The following MSMO1 variants were observed in gnomAD, a reference collection of about 807,000 sequenced individuals.
MSMO1 encodes the protein C-4 methylsterol oxidase.
Under a neutral mutation model 30.4 loss-of-function variants are expected in MSMO1, and 18 were observed. The ratio of observed to expected loss-of-function variants is 0.59; its 90% CI spans 0.41 to 0.88. MSMO1 has a LOEUF of 0.88. MSMO1 is among the 40% of genes least tolerant of loss of function. The pLI is 0.00. For synonymous variants in MSMO1, 84 were observed against 107.9 expected, an observed-to-expected ratio of 0.78 and a Z score of 1.37; for missense variants, 284 against 340.5, an observed-to-expected ratio of 0.83 and a Z score of 1.31.
rs1747678528 is a variant in MSMO1 at position 165,340,206 on chromosome 4, A to G, written c.532-15A>G. On this transcript the variant is annotated splice_polypyrimidine_tract_variant and intron_variant, in intron 4 of 5. Transcript: ENST00000261507. ...ATAGCTAAGAAATTAAGAATTTCTT[A>G]TCTGTTTGTCTTAGGCTCCATTTGG... 2 of 1,612,584 alleles carry G rather than the reference A, an allele frequency of 1.2e-6. No individual in the cohort carries two copies. The highest frequency in any genetic ancestry group is 2.2e-5 in the South Asian group (2 of 91,008).
intron 3 of MSMO1, 47 bp downstream of exon 3, chr4:165,337,984 A>T: frequency 6.4e-7 from 1 of 1,553,886 alleles, no homozygotes; most frequent in Non-Finnish European, 8.9e-7. Flanking sequence ...TGGCTTATTC[A>T]GTTAAGTTAT....
chr4:165,338,705 A>G lies in MSMO1; in HGVS notation c.458A>G (p.His153Arg), dbSNP rs1268665050. 6.9e-6 allele frequency: 11 copies of G among 1,605,674 alleles called. No individual in the cohort carries two copies. The highest frequency in any genetic ancestry group is 9.4e-6 in the Non-Finnish European group (11 of 1,172,600). The change falls in exon 4 of 6, where the codon CAC (histidine) becomes CGC (arginine). Residue 153 changes from histidine to arginine, a missense_variant. Transcript: ENST00000261507. ...TGTGCAGTCATTGAAGATACTTGGC[A>G]CTATTTTCTGCATAGACTCTTACAC... ...FGCAVIEDTWHYFLHRLLHHK... is the reference protein window; with the variant it reads ...FGCAVIEDTWRYFLHRLLHHK...
At chr4:165,334,175 T>C (rs576394093) in intron 2 of MSMO1, among the ~76,000 whole-genome samples, 1 of 152,352 alleles carries the variant, frequency 6.6e-6, no homozygotes, top group South Asian at 2.1e-4. Context: ...GTCTTTGCAA[T>C]TCCGTGTGTA....
rs1310507865 is a variant in MSMO1, at chr4:165,337,012, T to TCA, written c.256-777_256-776insCA. Among the ~76,000 whole-genome samples, 76 of 152,326 alleles carry TCA rather than the reference T, an allele frequency of 5.0e-4. 1 individual carries two copies. The highest frequency in any genetic ancestry group is 1.8e-3 in the African/African-American group (74 of 41,570). ...CGTGGTTCAATTAAAAGAGTTTTGT[T>TCA]GGCGGATACCTGAATTTTTCAGCAG... is the stretch of plus-strand genomic sequence containing the variant. On this transcript the variant is annotated intron_variant, in intron 2 of 5. Transcript: ENST00000261507.
intron 4 of MSMO1, 135 bp downstream of exon 4, chr4:165,338,913 C>A: frequency 1.5e-6 from 1 of 645,452 alleles, no homozygotes; most frequent in Admixed American, 3.1e-5. Context: ...ACAATACACA[C>A]ACATACAAAC....
chr4:165,341,632 G>A lies in MSMO1; in HGVS notation c.687-119G>A. 4.9e-6 allele frequency: 4 copies of A among 823,432 alleles called. No homozygotes were observed. The East Asian group carries it at 1.1e-4, about 22-fold the overall frequency. The allele number at this position is 823,432 out of a possible 1,614,324, so 51.0% of individuals were successfully genotyped here. On this transcript the variant is annotated intron_variant, in intron 5 of 5. Coordinates refer to ENST00000261507, the MANE Select transcript of MSMO1 (RefSeq NM_006745.5). ...GTTTGTGAACACTTAGAAATAAAGT[G>A]GTCTAGGCAAAGTGGCATGTTATCT...
At chr4:165,329,764 A>G (rs1434174059) in intron 1 of MSMO1, among the ~76,000 whole-genome samples, 1 of 150,562 alleles carries the variant, frequency 6.6e-6, no homozygotes, top group Non-Finnish European at 1.5e-5. Flanking sequence ...CCTCCCCAGT[A>G]GGTGGAATTA....
Position 165,333,536 on chromosome 4 carries a change from A to G in MSMO1, c.166A>G (p.Ile56Val). ...CCAGATTGCAACATGGGGATCCCTT[A>G]TAGTTCATGAAGCCCTTTATTTCTT... The part of the protein sequence containing the change: ...KFQIATWGSL[I>V]VHEALYFLFC... Residue 56 changes from isoleucine to valine, a missense_variant, in exon 2 of 6, where the codon ATA becomes GTA. Physicochemically the swap from Ile to Val is conservative, Grantham distance 29 (BLOSUM62 3). Transcript: ENST00000261507. 5 of 1,613,174 alleles carry G rather than the reference A, an allele frequency of 3.1e-6. No homozygotes were observed.
At chr4:165,338,043 C>T in intron 3 of MSMO1, 106 bp downstream of exon 3, 1 of 1,065,094 alleles carries the variant, frequency 9.4e-7, no homozygotes, top group Non-Finnish European at 1.4e-6. Context: ...TTGTTCTAAA[C>T]TTTGGAAGTA....
chr4:165,337,394 G>A (rs1000145612), intron 2 of MSMO1, among the ~76,000 whole-genome samples: 8 of 152,202 alleles, frequency 5.3e-5, no homozygotes, highest in Non-Finnish European at 1.2e-4. Flanking sequence ...TCGACTTACT[G>A]TGTAAAAGGC....
At position 165,337,885 on chromosome 4, in the gene MSMO1, T is replaced by C. The variant is rs755943539; in HGVS notation, c.352T>C (p.Tyr118His). ...GCTGCCTTTGATTTGTGGAACCTAT[T>C]ATTTTACAGAGTATTTCAATATTCC... is the stretch of plus-strand genomic sequence containing the variant. ...IQLPLICGTY[Y>H]FTEYFNIPYD... Residue 118 changes from tyrosine (Y) to histidine (H), a missense_variant, in exon 3 of 6, where the codon TAT becomes CAT. Coordinates refer to ENST00000261507, the MANE Select transcript of MSMO1 (RefSeq NM_006745.5). 15 of 1,613,306 alleles carry C rather than the reference T, an allele frequency of 9.3e-6. No individual in the cohort carries two copies. The highest frequency in any genetic ancestry group is 1.2e-5 in the Non-Finnish European group (14 of 1,179,442).
At chr4:165,337,672 T>C (rs1322394312) in intron 2 of MSMO1, 117 bp from the exon 3 acceptor site, 1 of 1,017,004 alleles carries the variant, frequency 9.8e-7, no homozygotes, top group African/African-American at 1.6e-5. Context: ...GTCTTAGTTA[T>C]ATAAAGTTAA....
In MSMO1 at chr4:165,342,994, CTG is replaced by C. The variant is rs1185736692; in HGVS notation, c.*1050_*1051del. The C allele has an allele frequency of 2.6e-5, 4 of 152,548 alleles. No homozygotes were observed. Among genetic ancestry groups the C allele is most frequent in the Admixed American group, 6.5e-5 (1 of 15,274 alleles). The allele number at this position is 152,548 out of a possible 1,614,324, so 9.4% of individuals were successfully genotyped here. On this transcript the variant is annotated 3_prime_UTR_variant, in exon 6 of 6. Coordinates refer to ENST00000261507, the MANE Select transcript of MSMO1 (RefSeq NM_006745.5). ...ATCAAATTTCCATTGTCATTAAAAA[CTG>C]TATCTTGAAACTTTGTGAACTGACT... is the stretch of plus-strand genomic sequence containing the variant.
At chr4:165,340,594 C>T (rs560869149) in intron 5 of MSMO1, 3 of 551,152 alleles carry the variant, frequency 5.4e-6, no homozygotes, top group African/African-American at 1.9e-5. Flanking sequence ...GTTATTAGGG[C>T]AAGTATATAT....
intron 1 of MSMO1, among the ~76,000 whole-genome samples, chr4:165,332,049 C>T (rs1747409686): frequency 6.6e-6 from 1 of 151,510 alleles, no homozygotes; most frequent in Non-Finnish European, 1.5e-5. Flanking sequence ...TAACACTCTC[C>T]CCTACCCCGC....
intron 1 of MSMO1, among the ~76,000 whole-genome samples, 182 bp from the exon 2 acceptor site, chr4:165,333,158 T>G (rs1747445797): frequency 6.6e-6 from 1 of 152,246 alleles, no homozygotes; most frequent in African/African-American, 2.4e-5. Flanking sequence ...ATGGTGATGA[T>G]ATCCAGCAAA....
chr4:165,337,576 A>C (rs929642825), intron 2 of MSMO1, among the ~76,000 whole-genome samples: 3 of 152,246 alleles, frequency 2.0e-5, no homozygotes, highest in Admixed American at 2.0e-4. Context: ...GTTTGAGATC[A>C]TCATGGCTAG....
rs1160002547 is a variant in MSMO1, at chr4:165,341,996, A to G, written c.*50A>G. Reference sequence around the variant, plus strand: ...AGATAAACGTTTTCCTGAATTCAGAAACTAGTAGCTAACATTGCTTCTGGA... The same window carrying G: ...AGATAAACGTTTTCCTGAATTCAGAGACTAGTAGCTAACATTGCTTCTGGA... On this transcript the variant is annotated 3_prime_UTR_variant, in exon 6 of 6. Coordinates refer to ENST00000261507, the MANE Select transcript of MSMO1 (RefSeq NM_006745.5). The G allele has an allele frequency of 2.8e-6, 4 of 1,438,328 alleles. No homozygotes were observed. Among genetic ancestry groups the G allele is most frequent in the African/African-American group, 2.8e-5 (2 of 71,164 alleles). 89.1% of individuals were successfully genotyped at this position (1,438,328 alleles called of 1,614,324 possible).
intron 2 of MSMO1, among the ~76,000 whole-genome samples, chr4:165,336,553 C>T (rs984837603): frequency 6.6e-6 from 1 of 152,170 alleles, no homozygotes; most frequent in African/African-American, 2.4e-5. Flanking sequence ...AGTCTATTAA[C>T]CATAGTTGCT....
Sources: gnomAD v4.1 joint callset for allele counts (sites outside exome capture counted in the v4.1 genomes callset) on GRCh38, gnomAD v4.1.1 for gene constraint, MANE v1.5 for transcripts, NCBI Gene and HGNC (gene_info 2026-07-23, HGNC 2026-07-21) for gene names.